Variants in GPR180 observed in about 807,000 individuals in gnomAD.
The protein encoded by GPR180 is G protein-coupled receptor 180, also known as integral membrane protein GPR180.
In GPR180, 53 loss-of-function variants were observed where a neutral mutation model predicts 52.6. That is an observed-to-expected ratio of 1.01 (90% CI 0.81 to 1.27). The LOEUF (loss-of-function observed/expected upper bound fraction) is 1.27. Among genes scored for constraint, GPR180 ranks in the 50% most tolerant of loss-of-function variants. The probability of loss-of-function intolerance (pLI) is 0.00; values close to 1 mark genes in which losing one functional copy is unlikely to be tolerated. For missense variants in GPR180, 533 were observed against 527.0 expected, an observed-to-expected ratio of 1.01 and a Z score of -0.11; for synonymous variants, 200 against 193.1, an observed-to-expected ratio of 1.04 and a Z score of -0.30.
At position 94,619,332 on chromosome 13, in the gene GPR180, T is replaced by C; in HGVS notation, c.686+2T>C. The C allele has an allele frequency of 6.2e-7, 1 of 1,613,568 alleles. No individual in the cohort carries two copies. Among genetic ancestry groups the C allele is most frequent in the Non-Finnish European group, 8.5e-7 (1 of 1,179,630 alleles). ...AGCTAATTACATTCATTTCTCCAGG[T>C]AACTCAAAACCACTAAAACTGTGTT... is the stretch of plus-strand genomic sequence containing the variant. On this transcript the variant is annotated splice_donor_variant, in intron 4 of 8. Coordinates refer to ENST00000376958, the MANE Select transcript of GPR180 (RefSeq NM_180989.6). LOFTEE classifies it high-confidence loss of function.
Position 94,619,535 on chromosome 13 carries a change from C to G in GPR180, c.736+18C>G. On this transcript the variant is annotated intron_variant, in intron 5 of 8. Transcript: ENST00000376958. ...GGCAGAATGTGAGTATCTTTCTGAG[C>G]ATTTTTTAAAAAGCTTTTACACTCG... 1 of 1,602,786 alleles carries G rather than the reference C, an allele frequency of 6.2e-7. No homozygotes were observed. The highest frequency in any genetic ancestry group is 8.5e-7 in the Non-Finnish European group (1 of 1,172,378).
intron 3 of GPR180, among the ~76,000 whole-genome samples, chr13:94,616,789 G>A (rs1388186105): frequency 6.6e-6 from 1 of 152,116 alleles, no homozygotes; most frequent in Non-Finnish European, 1.5e-5. Flanking sequence ...AACAATTTTT[G>A]CTTGTGGCAA....
intron 3 of GPR180, 148 bp from the exon 4 acceptor site, chr13:94,619,002 A>G (rs1367510873): frequency 1.2e-5 from 8 of 655,000 alleles, no homozygotes; most frequent in South Asian, 6.4e-5. Context: ...TTAAGTTTTA[A>G]TAATTTTTTT....
intron 3 of GPR180, among the ~76,000 whole-genome samples, chr13:94,613,647 C>T (rs1889740953): frequency 6.6e-6 from 1 of 152,018 alleles, no homozygotes; most frequent in Non-Finnish European, 1.5e-5. Flanking sequence ...ATAGTGTAAG[C>T]TACTCAAATT....
intron 8 of GPR180, among the ~76,000 whole-genome samples, chr13:94,626,810 T>A (rs952530194): frequency 8.5e-5 from 13 of 152,140 alleles, no homozygotes; most frequent in Non-Finnish European, 1.3e-4. Flanking sequence ...ATCTACAAAA[T>A]AACTGTTAAA....
chr13:94,620,357 A>AAT (rs1889836554), intron 5 of GPR180, among the ~76,000 whole-genome samples: 1 of 152,196 alleles, frequency 6.6e-6, no homozygotes, highest in African/African-American at 2.4e-5. Flanking sequence ...TCATAAAATA[A>AAT]ATATATATAT....
intron 3 of GPR180, among the ~76,000 whole-genome samples, chr13:94,616,354 G>C (rs185196773): frequency 6.6e-6 from 1 of 152,316 alleles, no homozygotes; most frequent in African/African-American, 2.4e-5. Flanking sequence ...CTTGAGACAC[G>C]TGAGTGTGGG....
At chr13:94,617,523 T>C (rs1889794236) in intron 3 of GPR180, among the ~76,000 whole-genome samples, 1 of 152,204 alleles carries the variant, frequency 6.6e-6, no homozygotes, top group South Asian at 2.1e-4. Context: ...ACATGCTTTT[T>C]CACCTGCACT....
intron 1 of GPR180, among the ~76,000 whole-genome samples, chr13:94,603,871 G>A (rs1330164005): frequency 1.3e-5 from 2 of 152,176 alleles, no homozygotes; most frequent in African/African-American, 4.8e-5. Flanking sequence ...GGCCTTAAAT[G>A]TAGTTGGTGT....
intron 5 of GPR180, among the ~76,000 whole-genome samples, chr13:94,619,862 G>A (rs1214241986): frequency 6.6e-6 from 1 of 152,096 alleles, no homozygotes; most frequent in Non-Finnish European, 1.5e-5. Context: ...GGGATTACAG[G>A]CACATACCAT....
intron 3 of GPR180, among the ~76,000 whole-genome samples, chr13:94,613,901 C>A (rs1183270712): frequency 6.8e-6 from 1 of 147,644 alleles, no homozygotes; most frequent in East Asian, 2.0e-4. Context: ...TTTTTTGAGA[C>A]AGAGGCTTGC....
At position 94,619,242 on chromosome 13, in the gene GPR180, G is replaced by A. The variant is rs144662348; in HGVS notation, c.598G>A (p.Gly200Arg). Residue 200 changes from glycine (G) to arginine (R), a missense_variant, in exon 4 of 9, where the codon GGA (glycine) becomes AGA (arginine). Physicochemically the swap from Gly to Arg is moderately radical, Grantham distance 125. Coordinates refer to ENST00000376958, the MANE Select transcript of GPR180 (RefSeq NM_180989.6). Reference sequence around the variant, plus strand: ...ATTGTGGCAGGCTATTAAGAAAGGCGGACCCATGCACATGATTTTAAAGGT... The same window carrying A: ...ATTGTGGCAGGCTATTAAGAAAGGCAGACCCATGCACATGATTTTAAAGGT... ...QSLWQAIKKG[G>R]PMHMILKVLT... 861 of 1,614,016 alleles carry A rather than the reference G, an allele frequency of 5.3e-4. No homozygotes were observed. The highest frequency in any genetic ancestry group is 6.7e-4 in the Non-Finnish European group (787 of 1,179,980).
rs552631360 is a variant in GPR180 at position 94,605,651 on chromosome 13, A to C, written c.304+102A>C. On this transcript the variant is annotated intron_variant, in intron 2 of 8. Coordinates refer to ENST00000376958, the MANE Select transcript of GPR180 (RefSeq NM_180989.6). Reference sequence around the variant, plus strand: ...CATATGTTATGTTTCCTGACAGCATAATCCCACTGTGATGACACTTTGTCT... The same window carrying C: ...CATATGTTATGTTTCCTGACAGCATCATCCCACTGTGATGACACTTTGTCT... 3.2e-6 allele frequency: 3 copies of C among 923,948 alleles called. No individual in the cohort carries two copies. In the African/African-American group the frequency reaches 5.0e-5, roughly 15 times the overall value. 57.2% of individuals were successfully genotyped at this position (923,948 alleles called of 1,614,324 possible).
At chr13:94,611,233 T>C (rs967526476) in intron 2 of GPR180, among the ~76,000 whole-genome samples, 1 of 152,216 alleles carries the variant, frequency 6.6e-6, no homozygotes, top group Non-Finnish European at 1.5e-5. Context: ...TCCTGTAATT[T>C]CTATTTTTTC....
At chr13:94,623,683 CAAAAAAAA>C in intron 7 of GPR180, among the ~76,000 whole-genome samples, 1 of 73,508 alleles carries the variant, frequency 1.4e-5, no homozygotes, top group African/African-American at 5.0e-5. Context: ...TTCTTTTTTT[CAAAAAAAA>C]AAAAAAAAAA....
intron 3 of GPR180, among the ~76,000 whole-genome samples, chr13:94,612,940 G>A (rs1397203702): frequency 6.6e-6 from 1 of 152,094 alleles, no homozygotes; most frequent in Non-Finnish European, 1.5e-5. Flanking sequence ...GATGATCAGA[G>A]TCCATAATAC....
At chr13:94,607,183 G>A (rs994650656) in intron 2 of GPR180, among the ~76,000 whole-genome samples, 2 of 152,124 alleles carry the variant, frequency 1.3e-5, no homozygotes, top group African/African-American at 2.4e-5. Context: ...TAAGTCTTGA[G>A]GTTTTACTTT....
intron 1 of GPR180, among the ~76,000 whole-genome samples, chr13:94,602,441 A>G (rs1889571438): frequency 6.6e-6 from 1 of 150,504 alleles, no homozygotes; most frequent in African/African-American, 2.5e-5. Context: ...TGTCTCGGCC[A>G]CACTGTGACG....
chr13:94,619,355 G>A, intron 4 of GPR180, 25 bp downstream of exon 4: 1 of 1,611,030 alleles, frequency 6.2e-7, no homozygotes, highest in African/African-American at 1.3e-5. Context: ...CTAAAACTGT[G>A]TTCATCATTA....
Sources: allele counts gnomAD v4.1 joint callset (sites outside exome capture counted in the v4.1 genomes callset), GRCh38; gene constraint gnomAD v4.1.1; transcripts MANE v1.5; gene names NCBI Gene and HGNC (gene_info 2026-07-23, HGNC 2026-07-21).